Variants in SEL1L2 observed in about 807,000 individuals in gnomAD.
SEL1L2 encodes the protein protein sel-1 homolog 2.
In SEL1L2, 89 loss-of-function variants were observed where a neutral mutation model predicts 98.8. The ratio of observed to expected loss-of-function variants is 0.90; its 90% CI spans 0.76 to 1.07. The LOEUF is 1.07. Ranked by LOEUF, SEL1L2 falls within the 50% of genes least tolerant of loss-of-function variation. The pLI is 0.00. For synonymous variants in SEL1L2, 262 were observed against 278.5 expected (o/e 0.94, Z 0.59); for missense variants, 788 against 812.0 (o/e 0.97, Z 0.36).
intron 18 of SEL1L2, among the ~76,000 whole-genome samples, chr20:13,856,257 G>A (rs1336850036): frequency 6.6e-6 from 1 of 152,044 alleles, no homozygotes; most frequent in African/African-American, 2.4e-5. Flanking sequence ...AGCTTCCCAA[G>A]TAGCTGGGAC....
intron 5 of SEL1L2, among the ~76,000 whole-genome samples, chr20:13,892,383 G>C (rs905005437): frequency 6.6e-6 from 1 of 152,006 alleles, no homozygotes; most frequent in African/African-American, 2.4e-5. Flanking sequence ...CTGAGAGGTG[G>C]AAGTTGCAGT....
rs1309385247 is a variant in SEL1L2, at chr20:13,899,176, C to T, written c.550-10664G>A. Among the ~76,000 whole-genome samples, 4 of 151,950 alleles carry T rather than the reference C, an allele frequency of 2.6e-5. No individual in the cohort carries two copies. The East Asian group carries it at 7.7e-4, about 29-fold the overall frequency. ...CTGTAAATAATAATTTTGTAAGTTC[C>T]TTCATGTAACTCTTATTTCCTTTTA... is the stretch of plus-strand genomic sequence containing the variant. On this transcript the variant is annotated intron_variant, in intron 5 of 19. Transcript: ENST00000284951.
chr20:13,872,636 A>G (rs1322549786), intron 12 of SEL1L2, among the ~76,000 whole-genome samples: 1 of 152,146 alleles, frequency 6.6e-6, no homozygotes, highest in Non-Finnish European at 1.5e-5. Context: ...AAAGGAGGGA[A>G]GGAAGAAGGG....
chr20:13,971,978 G>A (rs981736435), intron 1 of SEL1L2, among the ~76,000 whole-genome samples: 4 of 151,858 alleles, frequency 2.6e-5, no homozygotes, highest in East Asian at 1.9e-4. Context: ...CCTAATTACT[G>A]TATATCTAAT....
At chr20:13,976,559 A>G (rs1844258943) in intron 1 of SEL1L2, among the ~76,000 whole-genome samples, 1 of 152,146 alleles carries the variant, frequency 6.6e-6, no homozygotes, top group African/African-American at 2.4e-5. Context: ...TGTAGCTAAG[A>G]CAAAATAGAA....
chr20:13,875,292 A>G (rs1039964595), intron 12 of SEL1L2, among the ~76,000 whole-genome samples: 1 of 152,214 alleles, frequency 6.6e-6, no homozygotes. Flanking sequence ...TTTTGTAGAA[A>G]TGGGGTTTCA....
At position 13,850,243 on chromosome 20, in the gene SEL1L2, G is replaced by T. The variant is rs779707948; in HGVS notation, c.1895C>A (p.Ala632Asp). Residue 632 changes from alanine (A) to aspartate (D), a missense_variant, in exon 19 of 20, where the codon GCC becomes GAC. Ala to Asp is a moderately radical substitution (Grantham distance 126, BLOSUM62 -2). Coordinates refer to ENST00000284951, the MANE Select transcript of SEL1L2 (RefSeq NM_025229.2). The part of the protein sequence containing the change: ...SPDAHIPVLF[A>D]VMKLETTHLL... Reference sequence around the variant, plus strand: ...ATGCGTAGTTTCCAGTTTCATGACGGCAAAGAGCACAGGTATGTGGGCATC... The same window carrying T: ...ATGCGTAGTTTCCAGTTTCATGACGTCAAAGAGCACAGGTATGTGGGCATC... The T allele has an allele frequency of 1.9e-6, 3 of 1,613,998 alleles. No homozygotes were observed. Among genetic ancestry groups the T allele is most frequent in the Non-Finnish European group, 1.7e-6 (2 of 1,179,932 alleles).
intron 19 of SEL1L2, among the ~76,000 whole-genome samples, chr20:13,849,836 CTGTT>C (rs1987930238): frequency 6.6e-6 from 1 of 152,124 alleles, no homozygotes; most frequent in Non-Finnish European, 1.5e-5. Context: ...CAAACTGTAG[CTGTT>C]TGTGGTATCC....
intron 18 of SEL1L2, among the ~76,000 whole-genome samples, chr20:13,859,020 G>C (rs986452596): frequency 6.6e-6 from 1 of 152,190 alleles, no homozygotes; most frequent in Admixed American, 6.5e-5. Flanking sequence ...AATTGGCCTA[G>C]ACTAGATCTC....
At chr20:13,992,804 AC>A (rs1282119695), upstream of SEL1L2, among the ~76,000 whole-genome samples, 1 of 151,998 alleles carries the variant, frequency 6.6e-6, no homozygotes, top group Middle Eastern at 3.2e-3. Context: ...CAAGATGGCT[AC>A]CTTCTTGCTG....
intron 5 of SEL1L2, among the ~76,000 whole-genome samples, chr20:13,906,820 A>G (rs1229421218): frequency 6.6e-6 from 1 of 152,152 alleles, no homozygotes; most frequent in Non-Finnish European, 1.5e-5. Context: ...CTGGGATTAC[A>G]GGCGCGTGCC....
intron 1 of SEL1L2, among the ~76,000 whole-genome samples, chr20:13,963,026 A>G (rs145767597): frequency 0.023 from 3,445 of 150,598 alleles, 141 homozygotes; most frequent in African/African-American, 0.077. Flanking sequence ...AGATCACGCC[A>G]CTGCACTCCA....
intron 17 of SEL1L2, among the ~76,000 whole-genome samples, chr20:13,862,757 G>A (rs886153595): frequency 3.3e-5 from 5 of 151,590 alleles, no homozygotes; most frequent in East Asian, 3.9e-4. Context: ...ATGTGATCAC[G>A]GCTCACTGCA....
At chr20:13,948,663 T>C (rs1240248432) in intron 2 of SEL1L2, among the ~76,000 whole-genome samples, 2 of 152,216 alleles carry the variant, frequency 1.3e-5, no homozygotes, top group Non-Finnish European at 1.5e-5. Flanking sequence ...GAAGAAAACA[T>C]AGGAGAAAAT....
At chr20:13,897,215 A>C (rs922478061) in intron 5 of SEL1L2, among the ~76,000 whole-genome samples, 1 of 152,192 alleles carries the variant, frequency 6.6e-6, no homozygotes, top group Non-Finnish European at 1.5e-5. Flanking sequence ...CATGCAAAAG[A>C]ATGTAGTTGG....
chr20:13,960,918 A>AAT lies in SEL1L2; in HGVS notation c.59-4789_59-4788dup, dbSNP rs907081998. 3.3e-5 allele frequency among the ~76,000 whole-genome samples: 5 copies of AAT among 152,294 alleles called. No homozygotes were observed. In the East Asian group the frequency reaches 9.6e-4, roughly 29 times the overall value. On this transcript the variant is annotated intron_variant, in intron 1 of 19. Transcript: ENST00000284951. ...AGTTCATTATCATCATGAATAAATA[A>AAT]ATATATATAATAGCGTACACCATCA...
chr20:13,943,875 A>G (rs545232728), intron 2 of SEL1L2, among the ~76,000 whole-genome samples: 1 of 152,278 alleles, frequency 6.6e-6, no homozygotes, highest in East Asian at 1.9e-4. Flanking sequence ...GGGGGTGTGC[A>G]TGCTGATTGG....
chr20:13,924,969 T>C (rs1246532563), intron 3 of SEL1L2, among the ~76,000 whole-genome samples: 1 of 151,962 alleles, frequency 6.6e-6, no homozygotes, highest in Non-Finnish European at 1.5e-5. Context: ...TGAGATCCTG[T>C]CTCTACTAAA....
rs777453589 is a variant in SEL1L2 at position 13,886,311 on chromosome 20, C to G, written c.877G>C (p.Glu293Gln). 1 of 1,610,554 alleles carries G rather than the reference C, an allele frequency of 6.2e-7. No individual in the cohort carries two copies. The highest frequency in any genetic ancestry group is 1.7e-5 in the Admixed American group (1 of 59,430). The change falls in exon 9 of 20, where the codon GAA (glutamate) becomes CAA (glutamine). Residue 293 changes from glutamate to glutamine, a missense_variant. Physicochemically the swap from Glu to Gln is conservative, Grantham distance 29 (BLOSUM62 2). Coordinates refer to ENST00000284951, the MANE Select transcript of SEL1L2 (RefSeq NM_025229.2). ...ACTTGTATCTGAACATCTCCTCTTT[C>G]TGCCAAAAATTTATAGTATTGGTAT... ...DIYQYYKFLA[E>Q]RGDVQIQVSL...
Sources: allele counts gnomAD v4.1 joint callset (sites outside exome capture counted in the v4.1 genomes callset), GRCh38; gene constraint gnomAD v4.1.1; transcripts MANE v1.5; gene names NCBI Gene and HGNC (gene_info 2026-07-23, HGNC 2026-07-21).